The following KRTAP6-1 variants were observed in gnomAD, a reference collection of about 807,000 sequenced individuals.
The protein encoded by KRTAP6-1 is keratin-associated protein 6-1.
KRTAP6-1 carries 2 observed loss-of-function variants against 1.6 expected under a neutral mutation model. The observed-to-expected ratio is 1.22, with a 90% CI of 0.50 to 3.85. The LOEUF (loss-of-function observed/expected upper bound fraction) is 3.85. KRTAP6-1 is among the 30% of genes most tolerant of loss of function. The pLI, the probability that KRTAP6-1 is intolerant of heterozygous loss-of-function variation, is 0.07. For missense variants in KRTAP6-1, 78 were observed against 87.7 expected (o/e 0.89, Z 0.44); for synonymous variants, 38 against 38.5 (o/e 0.99, Z 0.05).
In KRTAP6-1 at chr21:30,613,544, G is replaced by A; in HGVS notation, c.*145C>T. On this transcript the variant is annotated 3_prime_UTR_variant, in exon 1 of 1. Transcript: ENST00000329122. ...ATGATGGAAATTCAAGATATTTGTA[G>A]GTTAGATGGTAGCTCAACAACAGAC... 4 of 1,442,492 alleles carry A rather than the reference G, an allele frequency of 2.8e-6. No individual in the cohort carries two copies. In the South Asian group the frequency reaches 5.7e-5, roughly 21 times the overall value. 89.4% of individuals were successfully genotyped at this position (1,442,492 alleles called of 1,614,324 possible).
In KRTAP6-1 at chr21:30,613,712, A is replaced by C; in HGVS notation, c.193T>G (p.Ser65Ala). The C allele has an allele frequency of 2.5e-6, 4 of 1,614,150 alleles. No homozygotes were observed. In the South Asian group the frequency reaches 3.3e-5, roughly 13 times the overall value. Residue 65 changes from serine (S) to alanine (A), a missense_variant, in exon 1 of 1, where the codon TCT (serine) becomes GCT (alanine). Ser to Ala is a moderately conservative substitution (Grantham distance 99). Coordinates refer to ENST00000329122, the Ensembl canonical transcript of KRTAP6-1. ...CCTCAATAATAGTAGCCAGAGCCAG[A>C]GCCGCATCCATAGCCATAGCCACAG...
exon 1 of KRTAP6-1, chr21:30,613,895 T>C (rs1383700328): frequency 6.2e-7 from 1 of 1,614,134 alleles, no homozygotes; most frequent in South Asian, 1.1e-5. Flanking sequence ...CCGTAGTAGC[T>C]GCCACACATG....
At position 30,613,589 on chromosome 21, in the gene KRTAP6-1, A is replaced by T. The variant is rs1248788515; in HGVS notation, c.*100T>A. On this transcript the variant is annotated 3_prime_UTR_variant, in exon 1 of 1. Transcript: ENST00000329122. ...ACAGACCATATTAGACTTCCATTGC[A>T]GGATATCATCACTCAAGGGAAAATC... The T allele has an allele frequency of 1.9e-6, 3 of 1,574,834 alleles. No homozygotes were observed. In the African/African-American group the frequency reaches 4.0e-5, roughly 21 times the overall value.
At chr21:30,613,765 C>T (rs771199789) in exon 1 of KRTAP6-1, 22 of 1,613,432 alleles carry the variant, frequency 1.4e-5, no homozygotes, top group Non-Finnish European at 1.7e-5. Context: ...GCCATAGCCA[C>T]AGCCCAGTCT....
chr21:30,613,803 A>G (rs1162540792), exon 1 of KRTAP6-1: 4 of 1,613,604 alleles, frequency 2.5e-6, no homozygotes, highest in Admixed American at 1.7e-5. Flanking sequence ...AGCAGGAGCC[A>G]TAGCCACAGC....
exon 1 of KRTAP6-1, chr21:30,613,852 C>A (rs749415607): frequency 5.0e-6 from 8 of 1,614,188 alleles, no homozygotes; most frequent in Non-Finnish European, 6.8e-6. Context: ...TCCATAGCCA[C>A]AGAACCCATA....
chr21:30,613,815 C>T (rs2123608054), exon 1 of KRTAP6-1: 4 of 1,612,812 alleles, frequency 2.5e-6, no homozygotes, highest in South Asian at 1.1e-5. Flanking sequence ...AGCCACAGCC[C>T]AGGCCTCCAT....
At position 30,613,759 on chromosome 21, in the gene KRTAP6-1, T is replaced by C. The variant is rs148838911; in HGVS notation, c.146A>G (p.Tyr49Cys). Residue 49 changes from tyrosine to cysteine, a missense_variant, in exon 1 of 1, where the codon TAT becomes TGT. Transcript: ENST00000329122. Reference sequence around the variant, plus strand: ...ACAGAGGGAGCGGGAGCCATAGCCATAGCCACAGCCCAGTCTGCGGAAGCC... The same window carrying C: ...ACAGAGGGAGCGGGAGCCATAGCCACAGCCACAGCCCAGTCTGCGGAAGCC... 207 of 1,613,424 alleles carry C rather than the reference T, an allele frequency of 1.3e-4. 1 individual carries two copies. The African/African-American group carries it at 2.3e-3, about 18-fold the overall frequency.
exon 1 of KRTAP6-1, chr21:30,613,705 G>A: frequency 6.2e-7 from 1 of 1,614,032 alleles, no homozygotes; most frequent in East Asian, 2.2e-5. Context: ...ATAGTAGCCA[G>A]AGCCAGAGCC....
chr21:30,613,581 T>A lies in KRTAP6-1; in HGVS notation c.*108A>T, dbSNP rs1442088830. 1.0e-5 allele frequency: 16 copies of A among 1,564,310 alleles called. No homozygotes were observed. The East Asian group carries it at 3.6e-4, about 36-fold the overall frequency. On this transcript the variant is annotated 3_prime_UTR_variant, in exon 1 of 1. Transcript: ENST00000329122. ...GCTCAACAACAGACCATATTAGACT[T>A]CCATTGCAGGATATCATCACTCAAG... is the stretch of plus-strand genomic sequence containing the variant.
In KRTAP6-1 at chr21:30,613,780, AAGCCAC is replaced by A. The variant is rs747839255; in HGVS notation, c.119_124del (p.Cys40_Gly41del). 5 of 1,613,450 alleles carry A rather than the reference AAGCCAC, an allele frequency of 3.1e-6. No individual in the cohort carries two copies. The Admixed American group carries it at 8.3e-5, about 27-fold the overall frequency. ...GCCATAGCCACAGCCCAGTCTGCGG[AAGCCAC>A]AGCCACAGCAGGAGCCATAGCCACA... On this transcript the variant is annotated inframe_deletion, in exon 1 of 1. Coordinates refer to ENST00000329122, the Ensembl canonical transcript of KRTAP6-1.
chr21:30,613,930 G>A (rs1980632207), exon 1 of KRTAP6-1: 1 of 1,612,948 alleles, frequency 6.2e-7, no homozygotes, highest in Non-Finnish European at 8.5e-7. Context: ...GGTTGTCCTT[G>A]GGTAGGAGGA....
Position 30,613,745 on chromosome 21 carries a change from G to A in KRTAP6-1, c.160C>T (p.Arg54Cys), listed in dbSNP as rs748555459. Residue 54 changes from arginine (R) to cysteine (C), a missense_variant, in exon 1 of 1, where the codon CGC becomes TGC. By Grantham distance (180) the Arg-to-Cys change is radical (BLOSUM62 -3). Transcript: ENST00000329122. ...CCATAGCCATAGCCACAGAGGGAGC[G>A]GGAGCCATAGCCATAGCCACAGCCC... 1.4e-5 allele frequency: 22 copies of A among 1,613,510 alleles called. No homozygotes were observed. The highest frequency in any genetic ancestry group is 2.2e-5 in the East Asian group (1 of 44,882).
At chr21:30,613,624 G>A (rs1980617767) in exon 1 of KRTAP6-1, 59 of 1,604,762 alleles carry the variant, frequency 3.7e-5, no homozygotes, top group Non-Finnish European at 4.9e-5. Flanking sequence ...CTCAGAACAT[G>A]TGGGCTTCAG....
exon 1 of KRTAP6-1, chr21:30,613,743 G>C: frequency 6.2e-7 from 1 of 1,613,786 alleles, no homozygotes; most frequent in Non-Finnish European, 8.5e-7. Context: ...CACAGAGGGA[G>C]CGGGAGCCAT....
At chr21:30,613,768 C>T (rs1033323420) in exon 1 of KRTAP6-1, 1 of 1,613,436 alleles carries the variant, frequency 6.2e-7, no homozygotes, top group African/African-American at 1.3e-5. Flanking sequence ...ATAGCCACAG[C>T]CCAGTCTGCG....
chr21:30,613,902 C>T (rs761444618), exon 1 of KRTAP6-1: 2 of 1,614,138 alleles, frequency 1.2e-6, no homozygotes, highest in Admixed American at 1.7e-5. Flanking sequence ...AGCTGCCACA[C>T]ATGGTGTTGG....
rs141498899 is a variant in KRTAP6-1, at chr21:30,613,656, C to A, written c.*33G>T. The A allele has an allele frequency of 3.5e-4, 568 of 1,613,168 alleles. 4 individuals carry two copies. In the African/African-American group the frequency reaches 6.7e-3, roughly 19 times the overall value. On this transcript the variant is annotated 3_prime_UTR_variant, in exon 1 of 1. Transcript: ENST00000329122. The stretch of plus-strand genomic sequence containing the variant: ...TCAGAATTAGTGAATCTCAGTATCA[C>A]AGGATAGAGGGTGAGAGTCTCCCAT...
exon 1 of KRTAP6-1, chr21:30,613,747 GAGCCAT>G: frequency 6.2e-7 from 1 of 1,613,616 alleles, no homozygotes; most frequent in Non-Finnish European, 8.5e-7. Flanking sequence ...GAGGGAGCGG[GAGCCAT>G]AGCCATAGCC....
Sources: gnomAD v4.1 joint callset for allele counts on GRCh38, gnomAD v4.1.1 for gene constraint, MANE v1.5 for transcripts, NCBI Gene and HGNC (gene_info 2026-07-23, HGNC 2026-07-21) for gene names.